GPR84: variants seen among roughly 807,000 people sequenced by gnomAD.
The protein encoded by GPR84 is G protein-coupled receptor 84.
Under a neutral mutation model 14.9 loss-of-function variants are expected in GPR84, and 8 were observed. The observed-to-expected ratio is 0.54, with a 90% CI of 0.31 to 0.97. The LOEUF is 0.97. Ranked by LOEUF, GPR84 falls within the 50% of genes least tolerant of loss-of-function variation. The pLI is 0.04. For missense variants in GPR84, 424 were observed against 498.7 expected (o/e 0.85, Z 1.43); for synonymous variants, 164 against 198.1 (o/e 0.83, Z 1.45).
the GPR84 span, among the ~76,000 whole-genome samples, chr12:54,352,115 C>G: frequency 6.6e-6 from 1 of 152,172 alleles, no homozygotes; most frequent in African/African-American, 2.4e-5. Context: ...CCCATCACCC[C>G]CAAAGCCAGC....
At chr12:54,361,861 G>C (rs537571569), downstream of GPR84, among the ~76,000 whole-genome samples, 5 of 152,366 alleles carry the variant, frequency 3.3e-5, no homozygotes, top group South Asian at 6.2e-4. This position sits in a 1 kb window ranked among gnomAD's most constrained non-coding sequence, Gnocchi z 4.3. Context: ...CTGAGGGCCT[G>C]GGACTCAGGT....
the GPR84 span, among the ~76,000 whole-genome samples, chr12:54,356,693 T>C: frequency 6.6e-6 from 1 of 151,918 alleles, no homozygotes. Context: ...AGTGGAAGGA[T>C]GAGAAACTGA....
Position 54,362,684 on chromosome 12 carries a change from G to A in GPR84, c.1168C>T (p.Arg390Trp), listed in dbSNP as rs547318808. 24 of 1,609,804 alleles carry A rather than the reference G, an allele frequency of 1.5e-5. No homozygotes were observed. The highest frequency in any genetic ancestry group is 1.1e-4 in the African/African-American group (8 of 74,860). The change falls in exon 2 of 2, where the codon CGG becomes TGG. Residue 390 changes from arginine to tryptophan, a missense_variant. By Grantham distance (101) the Arg-to-Trp change is moderately radical. Transcript: ENST00000267015. The surrounding 1 kb of genome is among the most constrained non-coding windows in gnomAD (Gnocchi z 4.0). ...AYGSILKRGP[R>W]SFHRLH ...TTCTAATGGAGCCTATGGAAACTCC[G>A]GGGCCCTCTTTTTAAAATGGAGCCA...
At chr12:54,363,887 G>C in intron 1 of GPR84, 28 bp from the exon 2 acceptor site, 1 of 1,432,216 alleles carries the variant, frequency 7.0e-7, no homozygotes, top group Non-Finnish European at 9.5e-7. Context: ...GGAAGAGGAA[G>C]AGGGAATCAG....
chr12:54,351,270 C>T, the GPR84 span: 1 of 152,188 alleles, frequency 6.6e-6, no homozygotes, highest in South Asian at 2.1e-4. Flanking sequence ...GGGATCGTTG[C>T]CTGGTTTGTC....
At chr12:54,354,116 CTTT>C in the GPR84 span, among the ~76,000 whole-genome samples, 13 of 141,446 alleles carry the variant, frequency 9.2e-5, no homozygotes, top group East Asian at 2.0e-4. Context: ...TTTCTCTTTT[CTTT>C]TTTTTTTTTT....
the GPR84 span, among the ~76,000 whole-genome samples, chr12:54,352,616 A>C: frequency 6.6e-6 from 1 of 152,156 alleles, no homozygotes; most frequent in Non-Finnish European, 1.5e-5. Context: ...AGGATTAAGC[A>C]AGGGAGACCA....
the GPR84 span, chr12:54,350,700 T>C: frequency 1.1e-5 from 7 of 614,410 alleles, no homozygotes; most frequent in Non-Finnish European, 1.8e-5. Context: ...TCCTATTCTT[T>C]TTCATTCTTC....
chr12:54,362,333 G>A (rs1054310273), downstream of GPR84: 2 of 216,862 alleles, frequency 9.2e-6, no homozygotes, highest in Non-Finnish European at 1.8e-5. The surrounding 1 kb of genome is among the most constrained non-coding windows in gnomAD (Gnocchi z 4.0). Context: ...CATGCACATG[G>A]TGACAGGATT....
downstream of GPR84, among the ~76,000 whole-genome samples, chr12:54,361,857 G>T (rs1954272258): frequency 6.6e-6 from 1 of 152,242 alleles, no homozygotes; most frequent in African/African-American, 2.4e-5. This position sits in a 1 kb window ranked among gnomAD's most constrained non-coding sequence, Gnocchi z 4.3. Flanking sequence ...GCAACTGAGG[G>T]CCTGGGACTC....
downstream of GPR84, among the ~76,000 whole-genome samples, chr12:54,360,206 T>C (rs1954254931): frequency 6.6e-6 from 1 of 152,174 alleles, no homozygotes; most frequent in Non-Finnish European, 1.5e-5. Flanking sequence ...TACAACGTAC[T>C]AGGCATTCGG....
downstream of GPR84, among the ~76,000 whole-genome samples, chr12:54,360,297 A>G (rs956364402): frequency 9.9e-5 from 15 of 152,096 alleles, no homozygotes; most frequent in African/African-American, 3.6e-4. Flanking sequence ...CTTCATGGTA[A>G]TTTTGTGAGG....
At chr12:54,353,190 T>C in the GPR84 span, among the ~76,000 whole-genome samples, 2 of 152,178 alleles carry the variant, frequency 1.3e-5, no homozygotes, top group Non-Finnish European at 2.9e-5. Flanking sequence ...TTCAGGGCTA[T>C]GAGTAAACAC....
downstream of GPR84, among the ~76,000 whole-genome samples, chr12:54,357,589 G>C (rs894929447): frequency 1.3e-5 from 2 of 152,170 alleles, no homozygotes; most frequent in Non-Finnish European, 2.9e-5. Context: ...ATTCTCAGCA[G>C]CAGTGAGGGT....
chr12:54,359,092 G>A (rs1222255564), downstream of GPR84, among the ~76,000 whole-genome samples: 2 of 152,140 alleles, frequency 1.3e-5, no homozygotes, highest in Non-Finnish European at 2.9e-5. Context: ...CTTGAGGGGA[G>A]GGAAAGAGGG....
downstream of GPR84, among the ~76,000 whole-genome samples, chr12:54,361,028 C>A (rs575266288): frequency 2.4e-4 from 36 of 152,278 alleles, no homozygotes; most frequent in Non-Finnish European, 5.0e-4. This position sits in a 1 kb window ranked among gnomAD's most constrained non-coding sequence, Gnocchi z 4.3. Context: ...AGAGAACCAG[C>A]GTCACCTGGT....
chr12:54,355,342 G>T, the GPR84 span, among the ~76,000 whole-genome samples: 18 of 151,636 alleles, frequency 1.2e-4, no homozygotes, highest in Non-Finnish European at 5.9e-5. Context: ...GTGTGTGTGT[G>T]TGTGTGTGTG....
chr12:54,357,812 A>G (rs1565601685), downstream of GPR84, among the ~76,000 whole-genome samples: 1 of 152,154 alleles, frequency 6.6e-6, no homozygotes. Context: ...ACAGGGGGGA[A>G]ATGGGCTTCT....
downstream of GPR84, among the ~76,000 whole-genome samples, chr12:54,359,638 C>T (rs1954249477): frequency 6.6e-6 from 1 of 152,120 alleles, no homozygotes; most frequent in Non-Finnish European, 1.5e-5. Flanking sequence ...GAGAGACAGA[C>T]AGTGACTCAC....
Sources: allele counts gnomAD v4.1 joint callset (sites outside exome capture counted in the v4.1 genomes callset), GRCh38; gene constraint gnomAD v4.1.1; non-coding constraint Gnocchi (gnomAD v3.1); transcripts MANE v1.5; gene names NCBI Gene and HGNC (gene_info 2026-07-23, HGNC 2026-07-21).